FBXL7: variants seen among roughly 807,000 people sequenced by gnomAD.
The protein encoded by FBXL7 is F-box/LRR-repeat protein 7.
Under a neutral mutation model 38.3 loss-of-function variants are expected in FBXL7, and 12 were observed. The observed-to-expected ratio is 0.31, with a 90% confidence interval of 0.20 to 0.51. The LOEUF (loss-of-function observed/expected upper bound fraction) is 0.51. Among genes scored for constraint, FBXL7 ranks in the 20% least tolerant of loss-of-function variants. FBXL7 has a pLI of 0.98. For missense variants in FBXL7, 567 were observed against 676.4 expected (o/e 0.84, Z 1.79); for synonymous variants, 297 against 300.9 (o/e 0.99, Z 0.13).
At chr5:15,874,354 C>G (rs1020113653) in intron 2 of FBXL7, among the ~76,000 whole-genome samples, 1 of 152,160 alleles carries the variant, frequency 6.6e-6, no homozygotes, top group African/African-American at 2.4e-5. Flanking sequence ...TGAAAACCAG[C>G]ACAGGACAAG....
intron 1 of FBXL7, among the ~76,000 whole-genome samples, chr5:15,521,817 G>A (rs1173691353): frequency 6.6e-6 from 1 of 152,190 alleles, no homozygotes; most frequent in East Asian, 1.9e-4. Context: ...TAAGGGGGAT[G>A]ATGGAGCTGC....
intron 2 of FBXL7, among the ~76,000 whole-genome samples, chr5:15,773,104 A>G (rs1736772519): frequency 6.6e-6 from 1 of 152,002 alleles, no homozygotes; most frequent in Admixed American, 6.5e-5. Flanking sequence ...CTATGTTGCC[A>G]AGGCTGGTTG....
At chr5:15,857,942 A>T (rs1739319657) in intron 2 of FBXL7, among the ~76,000 whole-genome samples, 2 of 152,132 alleles carry the variant, frequency 1.3e-5, no homozygotes, top group Non-Finnish European at 2.9e-5. Context: ...TATTTTGAGG[A>T]CCGATAGATA....
At chr5:15,710,505 A>T (rs552543544) in intron 2 of FBXL7, among the ~76,000 whole-genome samples, 1 of 152,240 alleles carries the variant, frequency 6.6e-6, no homozygotes, top group East Asian at 1.9e-4. Context: ...TGCACAAAAA[A>T]ACACACTCTT....
intron 2 of FBXL7, among the ~76,000 whole-genome samples, chr5:15,641,941 TTGTGTGTG>T (rs199980981): frequency 0.091 from 12,897 of 141,526 alleles, 636 homozygotes; most frequent in South Asian, 0.15. Flanking sequence ...ACATAAAACC[TTGTGTGTG>T]TGTGTGTGTG....
intron 2 of FBXL7, among the ~76,000 whole-genome samples, chr5:15,668,840 A>G (rs1043137601): frequency 6.6e-6 from 1 of 152,176 alleles, no homozygotes; most frequent in Non-Finnish European, 1.5e-5. Context: ...CTCCCAACAT[A>G]ATTTGTATAC....
intron 2 of FBXL7, among the ~76,000 whole-genome samples, chr5:15,778,524 T>C (rs1252956823): frequency 6.6e-6 from 1 of 152,156 alleles, no homozygotes; most frequent in Non-Finnish European, 1.5e-5. Flanking sequence ...ACCACTGACC[T>C]GATCTTTTCC....
chr5:15,611,183 G>A (rs1740220547), intron 1 of FBXL7, among the ~76,000 whole-genome samples: 1 of 152,136 alleles, frequency 6.6e-6, no homozygotes, highest in Non-Finnish European at 1.5e-5. Flanking sequence ...AATACATGCA[G>A]AGTGGTGAAA....
intron 2 of FBXL7, among the ~76,000 whole-genome samples, chr5:15,741,643 G>A (rs1735896187): frequency 6.6e-6 from 1 of 152,164 alleles, no homozygotes; most frequent in Non-Finnish European, 1.5e-5. Flanking sequence ...TCTGGTTTGT[G>A]TGTTCTCAGA....
intron 1 of FBXL7, among the ~76,000 whole-genome samples, chr5:15,573,345 G>T (rs1738847889): frequency 6.6e-6 from 1 of 152,118 alleles, no homozygotes; most frequent in African/African-American, 2.4e-5. Context: ...AGAGGAGGAG[G>T]CAAGGAATAT....
At chr5:15,902,609 C>T (rs1741257412) in intron 2 of FBXL7, among the ~76,000 whole-genome samples, 1 of 152,096 alleles carries the variant, frequency 6.6e-6, no homozygotes, top group Non-Finnish European at 1.5e-5. Context: ...CAAAATTTGC[C>T]CATGTTTGTG....
chr5:15,564,963 A>G (rs1738523716), intron 1 of FBXL7, among the ~76,000 whole-genome samples: 1 of 152,120 alleles, frequency 6.6e-6, no homozygotes, highest in African/African-American at 2.4e-5. Flanking sequence ...GCTACAATGT[A>G]TTTGTGTCTT....
intron 2 of FBXL7, among the ~76,000 whole-genome samples, chr5:15,803,649 G>A (rs898755833): frequency 6.6e-6 from 1 of 150,638 alleles, no homozygotes; most frequent in African/African-American, 2.5e-5. Flanking sequence ...TGCAACCCCC[G>A]ATGTAAAAAT....
intron 2 of FBXL7, among the ~76,000 whole-genome samples, chr5:15,674,750 A>C (rs1278407565): frequency 6.6e-6 from 1 of 152,302 alleles, no homozygotes; most frequent in African/African-American, 2.4e-5. Context: ...CGCAACTGAT[A>C]ATTATCTCAG....
At chr5:15,655,400 A>G (rs1185249663) in intron 2 of FBXL7, among the ~76,000 whole-genome samples, 5 of 151,990 alleles carry the variant, frequency 3.3e-5, no homozygotes, top group African/African-American at 7.3e-5. Flanking sequence ...AGGCCGAGGC[A>G]GGAGAATCGC....
intron 1 of FBXL7, among the ~76,000 whole-genome samples, chr5:15,512,555 C>T (rs572681564): frequency 1.3e-5 from 2 of 152,268 alleles, no homozygotes; most frequent in East Asian, 1.9e-4. Context: ...ATTTTACCCT[C>T]GTAAAAAGAA....
intron 1 of FBXL7, among the ~76,000 whole-genome samples, chr5:15,511,827 A>G (rs1248098102): frequency 6.6e-6 from 1 of 152,236 alleles, no homozygotes; most frequent in African/African-American, 2.4e-5. Flanking sequence ...TTAGGAATAG[A>G]GAAGTCTGGG....
chr5:15,569,273 T>C (rs1290810613), intron 1 of FBXL7, among the ~76,000 whole-genome samples: 17 of 151,640 alleles, frequency 1.1e-4, no homozygotes, highest in Non-Finnish European at 1.2e-4. Context: ...CCTTGAGCAG[T>C]GGTTTGTAGT....
chr5:15,541,409 T>TATATATATAC (rs1199863528), intron 1 of FBXL7, among the ~76,000 whole-genome samples: 7 of 135,728 alleles, frequency 5.2e-5, no homozygotes, highest in Non-Finnish European at 9.4e-5. Context: ...TATATATGTG[T>TATATATATAC]ATATATATAC....
Sources: allele counts gnomAD v4.1 joint callset (sites outside exome capture counted in the v4.1 genomes callset), GRCh38; gene constraint gnomAD v4.1.1; transcripts MANE v1.5; gene names NCBI Gene and HGNC (gene_info 2026-07-23, HGNC 2026-07-21).